The following PPP1R9A variants were observed in gnomAD, a reference collection of about 807,000 sequenced individuals.
The protein encoded by PPP1R9A is neurabin-1.
Under a neutral mutation model 141.9 loss-of-function variants are expected in PPP1R9A, and 59 were observed. The observed-to-expected ratio is 0.42, with a 90% confidence interval of 0.34 to 0.52. The LOEUF (loss-of-function observed/expected upper bound fraction) is 0.52. Among genes scored for constraint, PPP1R9A ranks in the 20% least tolerant of loss-of-function variants. PPP1R9A has a pLI of 0.10. For missense variants in PPP1R9A, 1,444 were observed against 1,611.9 expected, an observed-to-expected ratio of 0.90 and a Z score of 1.78; for synonymous variants, 500 against 569.7, an observed-to-expected ratio of 0.88 and a Z score of 1.74.
At chr7:94,924,639 C>T (rs1035767748) in intron 2 of PPP1R9A, among the ~76,000 whole-genome samples, 9 of 152,110 alleles carry the variant, frequency 5.9e-5, no homozygotes, top group African/African-American at 9.7e-5. Context: ...AGCGATTCTC[C>T]CACCTCAGCC....
intron 2 of PPP1R9A, among the ~76,000 whole-genome samples, chr7:95,074,735 A>G (rs140634510): frequency 0.011 from 1,622 of 152,046 alleles, 26 homozygotes; most frequent in African/African-American, 0.037. Flanking sequence ...CGGCCTCCCA[A>G]AGTGCTGGGA....
intron 4 of PPP1R9A, among the ~76,000 whole-genome samples, chr7:95,144,588 A>G (rs1031558058): frequency 5.9e-5 from 9 of 152,154 alleles, no homozygotes; most frequent in African/African-American, 1.9e-4. Flanking sequence ...TATGGAATGT[A>G]CCGCGGCACA....
chr7:95,178,543 A>G (rs2152778884), intron 5 of PPP1R9A, among the ~76,000 whole-genome samples: 1 of 152,268 alleles, frequency 6.6e-6, no homozygotes, highest in East Asian at 1.9e-4. Flanking sequence ...TCAGAGCAGA[A>G]CTAAATGAAA....
intron 2 of PPP1R9A, among the ~76,000 whole-genome samples, chr7:94,962,987 T>G (rs1164381879): frequency 1.3e-5 from 2 of 152,122 alleles, no homozygotes; most frequent in East Asian, 3.9e-4. Flanking sequence ...AATGACTTAC[T>G]TTTAAATACA....
chr7:94,910,375 A>AG lies in PPP1R9A; in HGVS notation c.267dup (p.Lys90GlufsTer26). 6.2e-7 allele frequency: 1 copy of AG among 1,614,128 alleles called. No homozygotes were observed. The highest frequency in any genetic ancestry group is 8.5e-7 in the Non-Finnish European group (1 of 1,180,036). On this transcript the variant is annotated frameshift_variant, in exon 2 of 20. Transcript: ENST00000433360. LOFTEE classifies it high-confidence loss of function. The surrounding 1 kb of genome is among the most constrained non-coding windows in gnomAD (Gnocchi z 4.5). ...GAATGCTGCAGTCATTGCCAAAACA[A>AG]GGGGGAAAGGTGGACATTCATCTCC...
intron 12 of PPP1R9A, among the ~76,000 whole-genome samples, chr7:95,256,780 G>A (rs1799647036): frequency 6.6e-6 from 1 of 152,032 alleles, no homozygotes; most frequent in Admixed American, 6.6e-5. Flanking sequence ...AGGGTAGATG[G>A]ATTTAAGAAG....
rs1182867399 is a variant in PPP1R9A, at chr7:95,105,508, T to A, written c.1396-5751T>A. 5.3e-5 allele frequency among the ~76,000 whole-genome samples: 8 copies of A among 152,220 alleles called. No homozygotes were observed. The East Asian group carries it at 1.5e-3, about 29-fold the overall frequency. On this transcript the variant is annotated intron_variant, in intron 2 of 19. Coordinates refer to ENST00000433360, the MANE Select transcript of PPP1R9A (RefSeq NM_001166160.2). ...ACAAGAAGTCTTAAATTTAAACATC[T>A]TTTGTTTACTTTTCTCAGTGAAATA...
At chr7:95,072,263 T>C (rs1051792340) in intron 2 of PPP1R9A, among the ~76,000 whole-genome samples, 1 of 144,974 alleles carries the variant, frequency 6.9e-6, no homozygotes, top group Non-Finnish European at 1.5e-5. Flanking sequence ...TATAATATTA[T>C]ATAATAATAT....
chr7:95,258,747 A>G (rs1414227998), intron 12 of PPP1R9A, among the ~76,000 whole-genome samples: 1 of 152,232 alleles, frequency 6.6e-6, no homozygotes, highest in Non-Finnish European at 1.5e-5. Context: ...ATTAGTAAAC[A>G]TAGACATTCA....
At chr7:95,272,267 G>A (rs918667885) in intron 14 of PPP1R9A, among the ~76,000 whole-genome samples, 4 of 152,134 alleles carry the variant, frequency 2.6e-5, no homozygotes, top group African/African-American at 9.7e-5. Context: ...GCCATTAAGA[G>A]TTGCTTTAGG....
At chr7:95,105,982 G>A (rs1819454001) in intron 2 of PPP1R9A, among the ~76,000 whole-genome samples, 1 of 152,070 alleles carries the variant, frequency 6.6e-6, no homozygotes, top group South Asian at 2.1e-4. Context: ...AGAGTATGAG[G>A]CTGGGCTCAT....
chr7:95,081,283 T>G (rs1407668160), intron 2 of PPP1R9A, among the ~76,000 whole-genome samples: 1 of 152,090 alleles, frequency 6.6e-6, no homozygotes, highest in Non-Finnish European at 1.5e-5. Flanking sequence ...AAAAAGAGCA[T>G]AACAAGGAGA....
At chr7:95,217,434 T>G (rs900164395) in intron 7 of PPP1R9A, among the ~76,000 whole-genome samples, 16 of 152,286 alleles carry the variant, frequency 1.1e-4, no homozygotes, top group African/African-American at 1.9e-4. Flanking sequence ...ATTCTCTTTT[T>G]TTTTGTTGTG....
chr7:95,251,894 T>C (rs767541090), intron 11 of PPP1R9A, 36 bp downstream of exon 11: 2 of 1,610,470 alleles, frequency 1.2e-6, no homozygotes, highest in South Asian at 1.1e-5. Context: ...AATAATAAGA[T>C]GGTTTTGCTG....
At chr7:95,093,157 C>T (rs1035112176) in intron 2 of PPP1R9A, among the ~76,000 whole-genome samples, 3 of 151,958 alleles carry the variant, frequency 2.0e-5, no homozygotes, top group African/African-American at 7.3e-5. Context: ...AGGACAGGCA[C>T]CAACAGATAG....
At chr7:95,048,670 G>A (rs533757782) in intron 2 of PPP1R9A, among the ~76,000 whole-genome samples, 2 of 152,032 alleles carry the variant, frequency 1.3e-5, no homozygotes, top group East Asian at 3.9e-4. Context: ...AACCTCCCAA[G>A]TAGCTGGGAT....
In PPP1R9A at chr7:95,041,341, T is replaced by G. The variant is rs141755339; in HGVS notation, c.1396-69918T>G. On this transcript the variant is annotated intron_variant, in intron 2 of 19. Transcript: ENST00000433360. ...AAAATAGGAGGAAAAACCTTTCCGC[T>G]CTGAATCTCAGGAGAAAAAAAGATT... is the stretch of plus-strand genomic sequence containing the variant. Among the ~76,000 whole-genome samples the G allele has an allele frequency of 8.0e-4, 122 of 152,306 alleles. 1 individual carries two copies. The highest frequency in any genetic ancestry group is 2.8e-3 in the African/African-American group (118 of 41,578).
chr7:95,134,354 A>G (rs937911328), intron 4 of PPP1R9A, among the ~76,000 whole-genome samples: 8 of 152,184 alleles, frequency 5.3e-5, no homozygotes, highest in African/African-American at 1.7e-4. Flanking sequence ...ACATTAGGAT[A>G]AATACCTAAT....
At chr7:95,062,646 C>G (rs1563182813) in intron 2 of PPP1R9A, among the ~76,000 whole-genome samples, 1 of 151,936 alleles carries the variant, frequency 6.6e-6, no homozygotes, top group African/African-American at 2.4e-5. Context: ...CCTCGGCCTC[C>G]CAAAGTGCTG....
Sources: gnomAD v4.1 joint callset for allele counts (sites outside exome capture counted in the v4.1 genomes callset) on GRCh38, gnomAD v4.1.1 for gene constraint, Gnocchi (gnomAD v3.1) non-coding constraint, MANE v1.5 for transcripts, NCBI Gene and HGNC (gene_info 2026-07-23, HGNC 2026-07-21) for gene names.